The following PDZRN4 variants were observed in gnomAD, a reference collection of about 807,000 sequenced individuals.
The protein encoded by PDZRN4 is PDZ domain-containing RING finger protein 4.
Under a neutral mutation model 99.0 loss-of-function variants are expected in PDZRN4, and 70 were observed. That is an observed-to-expected ratio of 0.71 (90% CI 0.58 to 0.86). The LOEUF (loss-of-function observed/expected upper bound fraction) is 0.86, where lower values mean the gene tolerates loss of function less well. PDZRN4 is among the 40% of genes least tolerant of loss of function. The pLI, the probability that PDZRN4 is intolerant of heterozygous loss-of-function variation, is 0.00. For synonymous variants in PDZRN4, 551 were observed against 501.6 expected, an observed-to-expected ratio of 1.10 and a Z score of -1.32; for missense variants, 1,474 against 1,331.2, an observed-to-expected ratio of 1.11 and a Z score of -1.67.
chr12:41,519,014 A>G (rs1938449193), intron 5 of PDZRN4, among the ~76,000 whole-genome samples: 1 of 152,106 alleles, frequency 6.6e-6, no homozygotes, highest in Admixed American at 6.6e-5. Flanking sequence ...AGTTTCATCA[A>G]CATAGTAAAT....
chr12:41,571,460 AT>A (rs1286457916), intron 9 of PDZRN4, among the ~76,000 whole-genome samples: 4 of 150,790 alleles, frequency 2.7e-5, no homozygotes, highest in African/African-American at 7.3e-5. Context: ...AAGTGTCAAA[AT>A]TTTTTTGATA....
At chr12:41,225,105 G>C (rs935204294) in intron 3 of PDZRN4, among the ~76,000 whole-genome samples, 1 of 152,038 alleles carries the variant, frequency 6.6e-6, no homozygotes, top group Non-Finnish European at 1.5e-5. Context: ...GCTATACTGA[G>C]AAAAATATAA....
At chr12:41,302,362 G>A (rs1951541835) in intron 3 of PDZRN4, among the ~76,000 whole-genome samples, 1 of 152,094 alleles carries the variant, frequency 6.6e-6, no homozygotes, top group African/African-American at 2.4e-5. Flanking sequence ...TATTGATATT[G>A]TAGCTTCTTG....
At chr12:41,316,250 A>G (rs1024920822) in intron 3 of PDZRN4, among the ~76,000 whole-genome samples, 1 of 152,160 alleles carries the variant, frequency 6.6e-6, no homozygotes, top group African/African-American at 2.4e-5. Flanking sequence ...AAGACATGCC[A>G]GTATAAATAA....
At chr12:41,433,310 T>C (rs1233526886) in intron 3 of PDZRN4, among the ~76,000 whole-genome samples, 1 of 152,156 alleles carries the variant, frequency 6.6e-6, no homozygotes, top group Non-Finnish European at 1.5e-5. Context: ...ATGTTAGAGA[T>C]TGAATTCCAC....
intron 1 of PDZRN4, among the ~76,000 whole-genome samples, chr12:41,189,880 T>C (rs1446533611): frequency 6.6e-6 from 1 of 152,128 alleles, no homozygotes; most frequent in Middle Eastern, 3.4e-3. Flanking sequence ...CAGGCAGCGG[T>C]TGTTTCCCTT....
chr12:41,508,522 G>T (rs968968616), intron 4 of PDZRN4, among the ~76,000 whole-genome samples: 2 of 152,148 alleles, frequency 1.3e-5, no homozygotes, highest in African/African-American at 2.4e-5. Context: ...AATGAATAAA[G>T]TGTTCCTCAC....
intron 3 of PDZRN4, among the ~76,000 whole-genome samples, chr12:41,247,959 G>C (rs1243188392): frequency 9.2e-6 from 1 of 108,884 alleles, no homozygotes; most frequent in African/African-American, 2.9e-5. Context: ...TGTGCTGAAG[G>C]CTCACAGACG....
intron 3 of PDZRN4, among the ~76,000 whole-genome samples, chr12:41,404,108 A>G (rs1422759107): frequency 6.6e-6 from 1 of 152,210 alleles, no homozygotes; most frequent in Non-Finnish European, 1.5e-5. Flanking sequence ...AATACAATGT[A>G]AATGATATAT....
intron 3 of PDZRN4, among the ~76,000 whole-genome samples, chr12:41,331,247 C>A (rs1479632716): frequency 6.6e-6 from 1 of 151,978 alleles, no homozygotes; most frequent in Non-Finnish European, 1.5e-5. Context: ...TGCATTAAGA[C>A]CTGTCTTATG....
intron 3 of PDZRN4, among the ~76,000 whole-genome samples, chr12:41,332,460 C>T (rs1242344863): frequency 3.3e-5 from 5 of 151,888 alleles, no homozygotes; most frequent in African/African-American, 7.3e-5. Flanking sequence ...TTCCAGGTTT[C>T]GTGATGGTGC....
chr12:41,292,983 G>A (rs1204314072), intron 3 of PDZRN4, among the ~76,000 whole-genome samples: 1 of 151,480 alleles, frequency 6.6e-6, no homozygotes, highest in Non-Finnish European at 1.5e-5. Flanking sequence ...TGGGGTCCTT[G>A]CATGCTGTGG....
intron 3 of PDZRN4, among the ~76,000 whole-genome samples, chr12:41,451,884 A>G (rs576765220): frequency 6.6e-6 from 1 of 152,286 alleles, no homozygotes; most frequent in East Asian, 1.9e-4. Context: ...CAACCAGAAA[A>G]TCATTTTAAA....
chr12:41,238,777 G>A (rs371902768), intron 3 of PDZRN4, among the ~76,000 whole-genome samples: 22 of 152,026 alleles, frequency 1.4e-4, no homozygotes, highest in African/African-American at 3.6e-4. Flanking sequence ...AAAAAACTCC[G>A]AAGTGCTATT....
chr12:41,516,477 A>C (rs1938402553), intron 5 of PDZRN4, among the ~76,000 whole-genome samples: 1 of 152,130 alleles, frequency 6.6e-6, no homozygotes, highest in Non-Finnish European at 1.5e-5. Context: ...ATTTGAAATA[A>C]AGTAAGAAAG....
chr12:41,412,454 G>A (rs1952407209), intron 3 of PDZRN4: 1 of 114,330 alleles, frequency 8.7e-6, no homozygotes, highest in African/African-American at 3.7e-5. Flanking sequence ...TTCATTTTGG[G>A]TAATCATGTG....
intron 3 of PDZRN4, among the ~76,000 whole-genome samples, chr12:41,432,280 A>G (rs1952592314): frequency 6.6e-6 from 1 of 152,204 alleles, no homozygotes; most frequent in East Asian, 1.9e-4. Flanking sequence ...ATAGACTTTC[A>G]AATTTATGTT....
At chr12:41,442,153 T>G (rs985683637) in intron 3 of PDZRN4, among the ~76,000 whole-genome samples, 10 of 152,146 alleles carry the variant, frequency 6.6e-5, no homozygotes, top group Non-Finnish European at 1.3e-4. Context: ...TCTCTTCCTA[T>G]TCTTCCTCTA....
intron 3 of PDZRN4, among the ~76,000 whole-genome samples, chr12:41,387,586 C>T (rs545960170): frequency 6.6e-6 from 1 of 151,982 alleles, no homozygotes; most frequent in African/African-American, 2.4e-5. Context: ...AGCAAGACTC[C>T]AACAACAACA....
Sources: allele counts gnomAD v4.1 joint callset (sites outside exome capture counted in the v4.1 genomes callset), GRCh38; gene constraint gnomAD v4.1.1; transcripts MANE v1.5; gene names NCBI Gene and HGNC (gene_info 2026-07-23, HGNC 2026-07-21).